TSNARE1: variants seen among roughly 807,000 people sequenced by gnomAD.
TSNARE1 encodes the protein t-SNARE domain containing 1.
In TSNARE1, 49 loss-of-function variants were observed where a neutral mutation model predicts 62.0. That is an observed-to-expected ratio of 0.79 (90% CI 0.63 to 1.00). TSNARE1 has a LOEUF of 1.00. Among genes scored for constraint, TSNARE1 ranks in the 50% least tolerant of loss-of-function variants. TSNARE1 has a pLI of 0.00. For missense variants in TSNARE1, 755 were observed against 700.1 expected, an observed-to-expected ratio of 1.08 and a Z score of -0.88; for synonymous variants, 328 against 294.4, an observed-to-expected ratio of 1.11 and a Z score of -1.17.
intron 11 of TSNARE1, chr8:142,279,882 G>T: frequency 1.9e-6 from 2 of 1,040,946 alleles, no homozygotes; most frequent in South Asian, 2.8e-5. Flanking sequence ...CCGTGGTCTG[G>T]CCCTCGCCTT....
intron 13 of TSNARE1, among the ~76,000 whole-genome samples, chr8:142,219,333 G>T (rs555381598): frequency 6.6e-6 from 1 of 152,328 alleles, no homozygotes; most frequent in East Asian, 1.9e-4. Flanking sequence ...GGAGGGAGGG[G>T]AGGAGGAAGG....
intron 1 of TSNARE1, among the ~76,000 whole-genome samples, chr8:142,399,483 T>C (rs1282519119): frequency 6.6e-6 from 1 of 152,068 alleles, no homozygotes; most frequent in Non-Finnish European, 1.5e-5. Context: ...ATGATGATCT[T>C]CCCCAGCTGC....
intron 11 of TSNARE1, 133 bp from the exon 12 acceptor site, chr8:142,274,996 C>T (rs942513894): frequency 7.2e-5 from 99 of 1,375,284 alleles, no homozygotes; most frequent in East Asian, 3.3e-4. Flanking sequence ...CAGGGATGGG[C>T]GCTGGGCTGC....
At chr8:142,240,311 G>C (rs1327411289) in intron 12 of TSNARE1, among the ~76,000 whole-genome samples, 1 of 152,168 alleles carries the variant, frequency 6.6e-6, no homozygotes, top group Admixed American at 6.5e-5. Flanking sequence ...TTCCAAACTT[G>C]TATACAATCT....
intron 12 of TSNARE1, among the ~76,000 whole-genome samples, chr8:142,264,290 A>T (rs1205208549): frequency 1.3e-5 from 2 of 152,180 alleles, no homozygotes; most frequent in Non-Finnish European, 2.9e-5. Flanking sequence ...TTTTCTAGTG[A>T]TTGAAGTGTT....
chr8:142,381,126 A>G (rs1836710323), intron 1 of TSNARE1, among the ~76,000 whole-genome samples: 1 of 152,214 alleles, frequency 6.6e-6, no homozygotes, highest in Non-Finnish European at 1.5e-5. Flanking sequence ...GCTGGGCTCC[A>G]AATCATCTTC....
At chr8:142,399,327 C>T (rs1398266612) in intron 1 of TSNARE1, among the ~76,000 whole-genome samples, 2 of 152,234 alleles carry the variant, frequency 1.3e-5, no homozygotes, top group African/African-American at 2.4e-5. Flanking sequence ...AAATCCCCAT[C>T]GGGCATTCAC....
chr8:142,294,378 G>A lies in TSNARE1; in HGVS notation c.1290+6108C>T, dbSNP rs578132619. On this transcript the variant is annotated intron_variant, in intron 10 of 13. Transcript: ENST00000524325. ...CACGCCCTCACCCACAGCATCACTC[G>A]GACTAGTTTGCAAAGCACTTTGCAG... is the stretch of plus-strand genomic sequence containing the variant. Among the ~76,000 whole-genome samples the A allele has an allele frequency of 2.2e-3, 337 of 152,316 alleles. 2 individuals carry two copies. Among genetic ancestry groups the A allele is most frequent in the African/African-American group, 7.8e-3 (324 of 41,574 alleles).
At chr8:142,218,044 AG>A (rs113408521) in intron 13 of TSNARE1, among the ~76,000 whole-genome samples, 4 of 112,182 alleles carry the variant, frequency 3.6e-5, no homozygotes, top group African/African-American at 7.8e-5. Flanking sequence ...GTATGTGACC[AG>A]GATCAGGGCT....
chr8:142,215,289 G>A (rs1374793066), intron 13 of TSNARE1, among the ~76,000 whole-genome samples: 2 of 152,218 alleles, frequency 1.3e-5, no homozygotes, highest in East Asian at 1.9e-4. Context: ...GCCTGGGGAT[G>A]AGGGTGGGGG....
rs79271066 is a variant in TSNARE1, at chr8:142,253,812, C to T, written c.1446+20969G>A. The stretch of plus-strand genomic sequence containing the variant: ...CCAGCCTTTTCCCAGGGGCCCGGCA[C>T]GTGGCCCATGTTGTGTGTCGCCACC... On this transcript the variant is annotated intron_variant, in intron 12 of 13. Transcript: ENST00000524325. Among the ~76,000 whole-genome samples the T allele has an allele frequency of 6.3e-3, 956 of 152,310 alleles. 3 individuals are homozygous for T. Among genetic ancestry groups the T allele is most frequent in the East Asian group, 0.033 (168 of 5,154 alleles).
chr8:142,392,315 C>A (rs539511021), intron 1 of TSNARE1, among the ~76,000 whole-genome samples: 48 of 152,170 alleles, frequency 3.2e-4, no homozygotes, highest in Non-Finnish European at 6.5e-4. Context: ...AGCCACCACA[C>A]CCAGCCAACT....
intron 4 of TSNARE1, among the ~76,000 whole-genome samples, chr8:142,339,978 G>A (rs1327101674): frequency 6.6e-6 from 1 of 152,234 alleles, no homozygotes; most frequent in Non-Finnish European, 1.5e-5. Context: ...TCCCAACAGG[G>A]GCTGATGATG....
intron 12 of TSNARE1, among the ~76,000 whole-genome samples, chr8:142,257,669 A>C (rs1269530994): frequency 6.6e-6 from 1 of 152,098 alleles, no homozygotes; most frequent in East Asian, 1.9e-4. Flanking sequence ...CAGGGGCCTG[A>C]TAGGCAGGGT....
At chr8:142,298,264 G>A (rs2131261476) in intron 10 of TSNARE1, among the ~76,000 whole-genome samples, 1 of 152,380 alleles carries the variant, frequency 6.6e-6, no homozygotes, top group South Asian at 2.1e-4. Context: ...CCCTGGGAAA[G>A]GCCGCTGCTC....
intron 9 of TSNARE1, among the ~76,000 whole-genome samples, chr8:142,305,226 AG>A (rs1826463348): frequency 1.3e-5 from 2 of 152,062 alleles, no homozygotes; most frequent in Non-Finnish European, 2.9e-5. Context: ...ACAGCTCCCC[AG>A]GAGCTGTGGG....
At chr8:142,237,932 A>G (rs1190333251) in intron 12 of TSNARE1, among the ~76,000 whole-genome samples, 1 of 152,066 alleles carries the variant, frequency 6.6e-6, no homozygotes, top group Non-Finnish European at 1.5e-5. Context: ...TACCAGAGAC[A>G]AGGATCTCCT....
At chr8:142,212,643 G>A (rs919060411) in intron 13 of TSNARE1, among the ~76,000 whole-genome samples, 10 of 151,900 alleles carry the variant, frequency 6.6e-5, no homozygotes, top group African/African-American at 2.4e-4. Flanking sequence ...GAGCCTTCCC[G>A]AGTCCACCGG....
intron 12 of TSNARE1, among the ~76,000 whole-genome samples, chr8:142,256,346 T>TCAC (rs1818560911): frequency 1.4e-3 from 2 of 1,406 alleles, no homozygotes; most frequent in Admixed American, 7.8e-3. Context: ...ACCATCATCA[T>TCAC]CACCATCATT....
Sources: gnomAD v4.1 joint callset for allele counts (sites outside exome capture counted in the v4.1 genomes callset) on GRCh38, gnomAD v4.1.1 for gene constraint, MANE v1.5 for transcripts, NCBI Gene and HGNC (gene_info 2026-07-23, HGNC 2026-07-21) for gene names.